The following WAC variants were observed in gnomAD, a reference collection of about 807,000 sequenced individuals.
WAC encodes the protein WW domain containing adaptor with coiled-coil.
Under a neutral mutation model 79.6 loss-of-function variants are expected in WAC, and 11 were observed. That is an observed-to-expected ratio of 0.14 (90% CI 0.09 to 0.23). WAC has a LOEUF of 0.23. Ranked by LOEUF, WAC falls within the 10% of genes least tolerant of loss-of-function variation. WAC has a pLI of 1.00. For synonymous variants in WAC, 304 were observed against 276.9 expected, an observed-to-expected ratio of 1.10 and a Z score of -0.97; for missense variants, 728 against 773.5, an observed-to-expected ratio of 0.94 and a Z score of 0.70.
intron 3 of WAC, among the ~76,000 whole-genome samples, chr10:28,578,278 A>C (rs894039905): frequency 6.6e-6 from 1 of 152,204 alleles, no homozygotes; most frequent in East Asian, 1.9e-4. Flanking sequence ...AGCTTTATTC[A>C]GTCCTATTTT....
rs1321172592 is a variant in WAC, at chr10:28,621,310, T to C, written c.*1704T>C. On this transcript the variant is annotated 3_prime_UTR_variant, in exon 14 of 14. Transcript: ENST00000354911. ...TTTTTATGTTAGACATCAATGTCAA[T>C]GTTACTACATTCTCGGATGCTAACA... 2 of 151,390 alleles carry C rather than the reference T, an allele frequency of 1.3e-5. No homozygotes were observed. Among genetic ancestry groups the C allele is most frequent in the African/African-American group, 4.9e-5 (2 of 41,192 alleles). 9.4% of individuals were successfully genotyped at this position (151,390 alleles called of 1,614,324 possible).
intron 6 of WAC, among the ~76,000 whole-genome samples, chr10:28,593,029 A>G (rs1256262148): frequency 6.6e-6 from 1 of 152,288 alleles, no homozygotes; most frequent in African/African-American, 2.4e-5. Context: ...TTATGATTTC[A>G]TATCTGCCCA....
intron 3 of WAC, among the ~76,000 whole-genome samples, chr10:28,539,431 T>C (rs1836878550): frequency 6.6e-6 from 1 of 152,234 alleles, no homozygotes; most frequent in African/African-American, 2.4e-5. Context: ...TAAGATAGGT[T>C]ATGTGAGAGT....
At chr10:28,611,717 T>A in intron 9 of WAC, 57 bp from the exon 10 acceptor site, 10 of 1,586,456 alleles carry the variant, frequency 6.3e-6, no homozygotes, top group Admixed American at 5.3e-5. Context: ...ACAAAGGACT[T>A]TAGTTTTTTG....
intron 6 of WAC, among the ~76,000 whole-genome samples, chr10:28,593,453 A>G (rs1268726393): frequency 6.6e-6 from 1 of 152,072 alleles, no homozygotes; most frequent in Non-Finnish European, 1.5e-5. Flanking sequence ...CAATATATTA[A>G]GTGTTTGTAA....
At chr10:28,560,533 G>A (rs1198291417) in intron 3 of WAC, among the ~76,000 whole-genome samples, 1 of 152,190 alleles carries the variant, frequency 6.6e-6, no homozygotes, top group African/African-American at 2.4e-5. Context: ...ACACCAAACA[G>A]ATGTTGAGTA....
At chr10:28,612,403 G>C (rs1223586710) in intron 10 of WAC, among the ~76,000 whole-genome samples, 1 of 152,162 alleles carries the variant, frequency 6.6e-6, no homozygotes, top group Non-Finnish European at 1.5e-5. Flanking sequence ...GGTAGAGTCA[G>C]AATTTGAAAC....
rs142957287 is a variant in WAC at position 28,616,053 on chromosome 10, A to C, written c.1557-120A>C. On this transcript the variant is annotated intron_variant, in intron 11 of 13. Transcript: ENST00000354911. ...CTCTTTATTTGACATTAAAATAACA[A>C]ATTTTTCTTAGGAATTTGGATATCT... is the stretch of plus-strand genomic sequence containing the variant. 3.7e-6 allele frequency: 3 copies of C among 804,802 alleles called. No individual in the cohort carries two copies. In the African/African-American group the frequency reaches 5.3e-5, roughly 14 times the overall value. The allele number at this position is 804,802 out of a possible 1,614,324, so 49.9% of individuals were successfully genotyped here.
intron 3 of WAC, among the ~76,000 whole-genome samples, chr10:28,549,332 C>T (rs1837538189): frequency 6.6e-6 from 1 of 152,160 alleles, no homozygotes; most frequent in South Asian, 2.1e-4. Context: ...CATACCCTAC[C>T]TGGGTATAGC....
At chr10:28,547,624 C>G (rs1837426962) in intron 3 of WAC, among the ~76,000 whole-genome samples, 1 of 150,688 alleles carries the variant, frequency 6.6e-6, no homozygotes, top group African/African-American at 2.4e-5. Context: ...GTTTTCATGT[C>G]TGAATAAATT....
intron 7 of WAC, among the ~76,000 whole-genome samples, 180 bp downstream of exon 7, chr10:28,596,221 T>A (rs970377236): frequency 6.6e-6 from 1 of 152,230 alleles, no homozygotes; most frequent in Admixed American, 6.5e-5. Flanking sequence ...TTCTTTAATT[T>A]ATAATTATCC....
At chr10:28,567,739 G>A (rs1270254231) in intron 3 of WAC, among the ~76,000 whole-genome samples, 1 of 152,128 alleles carries the variant, frequency 6.6e-6, no homozygotes, top group Non-Finnish European at 1.5e-5. Flanking sequence ...ATTTCAGTGT[G>A]GGCTTTTCTT....
chr10:28,596,746 T>C lies in WAC; in HGVS notation c.919+705T>C, dbSNP rs576730315. On this transcript the variant is annotated intron_variant, in intron 7 of 13. Transcript: ENST00000354911. ...TTAAGAATCTAAGGAAATTAAAATGTAGTAAATAAATTGTCACAGGTAGAT... is the reference window on the plus strand; with the variant it reads ...TTAAGAATCTAAGGAAATTAAAATGCAGTAAATAAATTGTCACAGGTAGAT... 3.5e-4 allele frequency among the ~76,000 whole-genome samples: 53 copies of C among 152,230 alleles called. No homozygotes were observed. The East Asian group carries it at 6.7e-3, about 19-fold the overall frequency.
chr10:28,617,712 T>C lies in WAC; in HGVS notation c.1802T>C (p.Ile601Thr). The C allele has an allele frequency of 1.3e-6, 2 of 1,598,770 alleles. No individual in the cohort carries two copies. Among genetic ancestry groups the C allele is most frequent in the Non-Finnish European group, 1.7e-6 (2 of 1,175,382 alleles). Residue 601 changes from isoleucine (I) to threonine (T), a missense_variant, in exon 13 of 14, where the codon ATT becomes ACT. Coordinates refer to ENST00000354911, the MANE Select transcript of WAC (RefSeq NM_016628.5). ...HNMGTIHMSEICTELKNLRSL... is the reference protein window; with the variant it reads ...HNMGTIHMSETCTELKNLRSL... ...ATGGGAACTATTCACATGTCCGAAA[T>C]TTGTACTGAATTAAAAAATTTAAGA...
At chr10:28,608,115 G>A (rs1841049238) in intron 7 of WAC, 71 bp from the exon 8 acceptor site, 1 of 1,568,248 alleles carries the variant, frequency 6.4e-7, no homozygotes, top group Non-Finnish European at 8.7e-7. Flanking sequence ...CACATGAGAG[G>A]TGTTCCTTTG....
intron 7 of WAC, among the ~76,000 whole-genome samples, chr10:28,601,081 T>A (rs1326008519): frequency 2.6e-5 from 4 of 151,980 alleles, no homozygotes; most frequent in South Asian, 2.1e-4. Context: ...AAGAAAAAAA[T>A]AGGCACATTG....
intron 3 of WAC, among the ~76,000 whole-genome samples, chr10:28,551,663 AT>A (rs1378773775): frequency 6.6e-6 from 1 of 152,200 alleles, no homozygotes; most frequent in Non-Finnish European, 1.5e-5. Context: ...ATCCCCAATA[AT>A]TAATTAGCTT....
intron 3 of WAC, among the ~76,000 whole-genome samples, chr10:28,541,783 C>A (rs1284597300): frequency 6.6e-6 from 1 of 152,108 alleles, no homozygotes; most frequent in African/African-American, 2.4e-5. Flanking sequence ...TCAAATTATA[C>A]TCCAAGTATA....
rs1376183432 is a variant in WAC, at chr10:28,621,486, A to G, written c.*1880A>G. ...AAATGTTCCAGTGTAATTAAAAGGAATTAAAATCTTGAAGATATTTTCCTG... is the reference window on the plus strand; with the variant it reads ...AAATGTTCCAGTGTAATTAAAAGGAGTTAAAATCTTGAAGATATTTTCCTG... On this transcript the variant is annotated 3_prime_UTR_variant, in exon 14 of 14. Transcript: ENST00000354911. The G allele has an allele frequency of 1.3e-5, 2 of 152,214 alleles. No homozygotes were observed. The highest frequency in any genetic ancestry group is 2.9e-5 in the Non-Finnish European group (2 of 68,032). 9.4% of individuals were successfully genotyped at this position (152,214 alleles called of 1,614,324 possible).
Sources: allele counts gnomAD v4.1 joint callset (sites outside exome capture counted in the v4.1 genomes callset), GRCh38; gene constraint gnomAD v4.1.1; transcripts MANE v1.5; gene names NCBI Gene and HGNC (gene_info 2026-07-23, HGNC 2026-07-21).